The following PER2 variants were observed in gnomAD, a reference collection of about 807,000 sequenced individuals.
The protein encoded by PER2 is period circadian regulator 2.
In PER2, 66 loss-of-function variants were observed where a neutral mutation model predicts 121.0. The observed-to-expected ratio is 0.55, with a 90% CI of 0.45 to 0.67. PER2 has a LOEUF of 0.67. Among genes scored for constraint, PER2 ranks in the 30% least tolerant of loss-of-function variants. PER2 has a pLI of 0.00. For missense variants in PER2, 1,521 were observed against 1,635.0 expected (o/e 0.93, Z 1.20); for synonymous variants, 684 against 659.9 (o/e 1.04, Z -0.56).
chr2:238,258,943 TG>T (rs1695844952), intron 14 of PER2, among the ~76,000 whole-genome samples: 1 of 152,134 alleles, frequency 6.6e-6, no homozygotes, highest in Non-Finnish European at 1.5e-5. Flanking sequence ...AGTTCTCACT[TG>T]AACTCTTAAA....
Position 238,277,957 on chromosome 2 carries a change from T to C in PER2, c.-19-2A>G. ...TTCATGCTGGGCTCTGGAACGAAGC[T>C]GGCAAACAGAGGGATGCTGTCACGC... On this transcript the variant is annotated splice_acceptor_variant, in intron 1 of 22. Transcript: ENST00000254657. LOFTEE classifies it low-confidence loss of function (5UTR_SPLICE). The C allele has an allele frequency of 6.2e-7, 1 of 1,611,336 alleles. No homozygotes were observed. The highest frequency in any genetic ancestry group is 1.1e-5 in the South Asian group (1 of 90,716).
In PER2 at chr2:238,255,729, T is replaced by G. The variant is rs143734972; in HGVS notation, c.2248A>C (p.Lys750Gln). 48 of 1,614,248 alleles carry G rather than the reference T, an allele frequency of 3.0e-5. No homozygotes were observed. In the African/African-American group the frequency reaches 5.3e-4, roughly 18 times the overall value. Reference sequence around the variant, plus strand: ...CAGTGGGACTGGAAAATGCTGAGTTTTCTTATTTCTTTGAACTTCTGCAGG... The same window carrying G: ...CAGTGGGACTGGAAAATGCTGAGTTGTCTTATTTCTTTGAACTTCTGCAGG... The part of the protein sequence containing the change: ...SFLQKFKEIR[K>Q]LSIFQSHCHY... The change falls in exon 18 of 23, where the codon AAA becomes CAA. Residue 750 changes from lysine to glutamine, a missense_variant. Transcript: ENST00000254657.
upstream of PER2, chr2:238,289,134 GC>G (rs1001763126): frequency 6.6e-6 from 1 of 152,150 alleles, no homozygotes; most frequent in African/African-American, 2.4e-5. Context: ...TGGGCGCGGG[GC>G]TCCTGCGCAC....
chr2:238,292,546 C>T (rs1438243063), upstream of PER2, among the ~76,000 whole-genome samples: 3 of 152,184 alleles, frequency 2.0e-5, no homozygotes, highest in Non-Finnish European at 1.5e-5. Flanking sequence ...GCATCCTTGG[C>T]CCGTTCCACC....
intron 13 of PER2, among the ~76,000 whole-genome samples, chr2:238,260,378 T>C (rs917455014): frequency 1.3e-5 from 2 of 151,934 alleles, no homozygotes; most frequent in Admixed American, 6.6e-5. Flanking sequence ...TGCCTCAGCC[T>C]CCCGAGTAGC....
the PER2 span, chr2:238,295,442 A>T: frequency 6.6e-6 from 1 of 152,064 alleles, no homozygotes; most frequent in African/African-American, 2.4e-5. Flanking sequence ...ATCATAGCTC[A>T]GTGAAGCCTC....
intron 1 of PER2, among the ~76,000 whole-genome samples, chr2:238,284,364 C>T (rs752384899): frequency 1.5e-4 from 22 of 151,522 alleles, no homozygotes; most frequent in Non-Finnish European, 2.6e-4. Flanking sequence ...ATTGCTTGAA[C>T]CCAGGAGGTG....
chr2:238,260,950 C>T lies in PER2; in HGVS notation c.1420G>A (p.Val474Ile), dbSNP rs372278249. The T allele has an allele frequency of 1.4e-5, 23 of 1,612,612 alleles. No homozygotes were observed. The highest frequency in any genetic ancestry group is 1.2e-4 in the African/African-American group (9 of 74,948). ...TAGCCACTGGAGCCGCTGTGGGGGA[C>T]GGGCTGGGGAGACAGCAGACAGCGC... ...EQIHRLLLQP[V>I]PHSGSSGYGS... Residue 474 changes from valine to isoleucine, a missense_variant, in exon 13 of 23, where the codon GTC (valine) becomes ATC (isoleucine). Transcript: ENST00000254657.
chr2:238,257,830 A>C (rs1285618818), intron 16 of PER2, among the ~76,000 whole-genome samples: 1 of 152,240 alleles, frequency 6.6e-6, no homozygotes, highest in Non-Finnish European at 1.5e-5. Context: ...GCGTTGTGTT[A>C]AGCAGCCTGG....
In PER2 at chr2:238,288,131, A is replaced by C. The variant is rs767722887; in HGVS notation, c.-20+218T>G. On this transcript the variant is annotated intron_variant, in intron 1 of 22. Coordinates refer to ENST00000254657, the MANE Select transcript of PER2 (RefSeq NM_022817.3). ...AAAGCTCCTAGATCAGCGCCCCTCC[A>C]TGGCCCTTCCCCAGCCCAGGACTTA... 4.0e-3 allele frequency among the ~76,000 whole-genome samples: 609 copies of C among 152,172 alleles called. 10 individuals are homozygous for C. The highest frequency in any genetic ancestry group is 1.2e-3 in the East Asian group (6 of 5,154).
At chr2:238,248,568 G>A (rs897161999) in intron 22 of PER2, among the ~76,000 whole-genome samples, 2 of 152,110 alleles carry the variant, frequency 1.3e-5, no homozygotes, top group African/African-American at 4.8e-5. Context: ...AGCCTTTTTG[G>A]AAACAACATT....
chr2:238,270,716 G>T (rs976879304), intron 6 of PER2, among the ~76,000 whole-genome samples: 1 of 152,254 alleles, frequency 6.6e-6, no homozygotes, highest in Admixed American at 6.5e-5. Flanking sequence ...TGGCTGGGGA[G>T]CGGAGCCTGG....
At chr2:238,284,266 A>T (rs989822841) in intron 1 of PER2, among the ~76,000 whole-genome samples, 3 of 152,044 alleles carry the variant, frequency 2.0e-5, no homozygotes, top group African/African-American at 7.3e-5. Context: ...AATATGGTGA[A>T]ACCCGTCTCT....
intron 4 of PER2, 113 bp from the exon 5 acceptor site, chr2:238,273,304 T>C (rs988605684): frequency 9.7e-6 from 11 of 1,138,454 alleles, no homozygotes; most frequent in African/African-American, 6.1e-5. Context: ...AGGTAGGATA[T>C]AAATCTCGTC....
upstream of PER2, among the ~76,000 whole-genome samples, chr2:238,294,775 C>G (rs1211836837): frequency 6.6e-6 from 1 of 152,236 alleles, no homozygotes; most frequent in Non-Finnish European, 1.5e-5. Context: ...GCTGGCTCAG[C>G]AGGGAAGGCC....
At position 238,277,951 on chromosome 2, in the gene PER2, C is replaced by A; in HGVS notation, c.-15G>T. The A allele has an allele frequency of 1.2e-6, 2 of 1,612,008 alleles. No individual in the cohort carries two copies. Among genetic ancestry groups the A allele is most frequent in the Non-Finnish European group, 1.7e-6 (2 of 1,179,568 alleles). ...TATCCATTCATGCTGGGCTCTGGAACGAAGCTGGCAAACAGAGGGATGCTG... is the reference window on the plus strand; with the variant it reads ...TATCCATTCATGCTGGGCTCTGGAAAGAAGCTGGCAAACAGAGGGATGCTG... On this transcript the variant is annotated 5_prime_UTR_variant, in exon 2 of 23. Transcript: ENST00000254657.
At chr2:238,286,962 G>A (rs1309576475) in intron 1 of PER2, among the ~76,000 whole-genome samples, 1 of 152,184 alleles carries the variant, frequency 6.6e-6, no homozygotes, top group African/African-American at 2.4e-5. Flanking sequence ...TGTCTCCTGC[G>A]AGAAACCTGG....
chr2:238,261,004 T>C (rs776618621), intron 12 of PER2, 51 bp from the exon 13 acceptor site: 1 of 1,595,178 alleles, frequency 6.3e-7, no homozygotes, highest in Non-Finnish European at 8.5e-7. Context: ...TGCTGAGCTA[T>C]GCATGTGGCC....
At chr2:238,263,453 T>C (rs893560315) in intron 9 of PER2, among the ~76,000 whole-genome samples, 1 of 152,198 alleles carries the variant, frequency 6.6e-6, no homozygotes, top group African/African-American at 2.4e-5. Flanking sequence ...CGGAAAACCC[T>C]TTGTATGTGC....
Sources: allele counts gnomAD v4.1 joint callset (sites outside exome capture counted in the v4.1 genomes callset), GRCh38; gene constraint gnomAD v4.1.1; transcripts MANE v1.5; gene names NCBI Gene and HGNC (gene_info 2026-07-23, HGNC 2026-07-21).